CNTLN: variants seen among roughly 807,000 people sequenced by gnomAD.
The protein encoded by CNTLN is centlein, centrosomal protein.
In CNTLN, 212 loss-of-function variants were observed where a neutral mutation model predicts 180.0. The observed-to-expected ratio is 1.18, with a 90% CI of 1.05 to 1.32. The LOEUF (loss-of-function observed/expected upper bound fraction) is 1.32, where lower values mean the gene tolerates loss of function less well. Ranked by LOEUF, CNTLN falls within the 40% of genes most tolerant of loss-of-function variation. The probability of loss-of-function intolerance (pLI) is 0.00; values close to 1 mark genes in which losing one functional copy is unlikely to be tolerated. For synonymous variants in CNTLN, 722 were observed against 563.1 expected, an observed-to-expected ratio of 1.28 and a Z score of -3.99; for missense variants, 2,095 against 1,610.9, an observed-to-expected ratio of 1.30 and a Z score of -5.14.
chr9:17,216,166 A>G (rs1823739454), intron 2 of CNTLN, among the ~76,000 whole-genome samples: 1 of 152,098 alleles, frequency 6.6e-6, no homozygotes, highest in African/African-American at 2.4e-5. Flanking sequence ...TGTAGACTGG[A>G]GCTGTTCCTA....
At chr9:17,224,111 C>A (rs1824316123) in intron 2 of CNTLN, among the ~76,000 whole-genome samples, 1 of 152,030 alleles carries the variant, frequency 6.6e-6, no homozygotes, top group East Asian at 1.9e-4. Context: ...GTTTCACTCC[C>A]AGCTTCTCTA....
At chr9:17,350,777 C>G (rs999079089) in intron 12 of CNTLN, among the ~76,000 whole-genome samples, 1 of 152,092 alleles carries the variant, frequency 6.6e-6, no homozygotes. Flanking sequence ...CATGAGGACC[C>G]CTTTCTATCC....
intron 6 of CNTLN, among the ~76,000 whole-genome samples, chr9:17,279,667 C>T (rs977611758): frequency 2.0e-5 from 3 of 151,148 alleles, no homozygotes; most frequent in East Asian, 1.9e-4. Context: ...AGCAGCTGCT[C>T]GAAACCCTCT....
chr9:17,156,546 T>G (rs2131555320), intron 2 of CNTLN, among the ~76,000 whole-genome samples: 1 of 152,230 alleles, frequency 6.6e-6, no homozygotes, highest in Non-Finnish European at 1.5e-5. Flanking sequence ...ATAAATTGGG[T>G]TATTTATTCT....
chr9:17,313,606 T>C (rs980962832), intron 8 of CNTLN, among the ~76,000 whole-genome samples: 2 of 152,168 alleles, frequency 1.3e-5, no homozygotes, highest in African/African-American at 4.8e-5. Flanking sequence ...AGCTTGATTT[T>C]CATTATAGTA....
intron 25 of CNTLN, among the ~76,000 whole-genome samples, chr9:17,497,980 A>G (rs1344408052): frequency 2.0e-5 from 3 of 152,174 alleles, no homozygotes; most frequent in Non-Finnish European, 4.4e-5. Context: ...GGTCTCATTA[A>G]GTCATATTTT....
chr9:17,170,749 G>A (rs186991513), intron 2 of CNTLN, among the ~76,000 whole-genome samples: 4 of 151,602 alleles, frequency 2.6e-5, no homozygotes, highest in African/African-American at 7.3e-5. Context: ...GTAGCTCGGT[G>A]GGCTTCCTTG....
chr9:17,349,691 A>G (rs1822202574), intron 12 of CNTLN, among the ~76,000 whole-genome samples: 1 of 152,144 alleles, frequency 6.6e-6, no homozygotes, highest in South Asian at 2.1e-4. Context: ...TATTTCATTT[A>G]TATTTATAAG....
chr9:17,457,960 C>T (rs375407734), intron 19 of CNTLN, among the ~76,000 whole-genome samples: 7 of 151,886 alleles, frequency 4.6e-5, no homozygotes, highest in Admixed American at 2.6e-4. Flanking sequence ...TTTAAACTGG[C>T]CAATATCTGC....
chr9:17,260,589 A>G (rs1826888858), intron 5 of CNTLN, among the ~76,000 whole-genome samples: 1 of 151,342 alleles, frequency 6.6e-6, no homozygotes, highest in East Asian at 1.9e-4. Context: ...TGTTAGATGC[A>G]TAATTTGTGA....
chr9:17,366,256 G>A (rs1450406921), intron 12 of CNTLN, among the ~76,000 whole-genome samples: 2 of 151,914 alleles, frequency 1.3e-5, no homozygotes, highest in African/African-American at 4.8e-5. Flanking sequence ...ATCCCAAGTA[G>A]CTAGGACTAC....
chr9:17,155,597 C>T (rs1004806361), intron 2 of CNTLN, among the ~76,000 whole-genome samples: 5 of 152,156 alleles, frequency 3.3e-5, no homozygotes, highest in African/African-American at 9.7e-5. Context: ...TCAGCAATGG[C>T]GGACGCCCTT....
Position 17,247,686 on chromosome 9 carries a change from G to C in CNTLN, c.849+11098G>C, listed in dbSNP as rs138400842. Among the ~76,000 whole-genome samples the C allele has an allele frequency of 5.7e-3, 869 of 151,876 alleles. 10 individuals carry two copies. The highest frequency in any genetic ancestry group is 0.02 in the African/African-American group (834 of 41,396). ...TGGTGTTCGTGCATGGAGAATGATT[G>C]CTTGAGGCTTCTATTTAGCCATCTT... On this transcript the variant is annotated intron_variant, in intron 5 of 25. Transcript: ENST00000380647.
chr9:17,433,839 C>T (rs888454891), intron 18 of CNTLN, among the ~76,000 whole-genome samples: 1 of 152,224 alleles, frequency 6.6e-6, no homozygotes, highest in Admixed American at 6.5e-5. Flanking sequence ...CCTTGGCCTC[C>T]CAAAGTTCCG....
At chr9:17,435,280 G>C (rs1829699893) in intron 18 of CNTLN, among the ~76,000 whole-genome samples, 1 of 152,014 alleles carries the variant, frequency 6.6e-6, no homozygotes, top group Admixed American at 6.6e-5. Flanking sequence ...CACTCATTCT[G>C]GTCTCATCTG....
chr9:17,211,571 G>T (rs541948679), intron 2 of CNTLN, among the ~76,000 whole-genome samples: 2,014 of 152,182 alleles, frequency 0.013, 47 homozygotes, highest in African/African-American at 0.046. Flanking sequence ...CTTTAAAGTA[G>T]TTTTTTCCAA....
chr9:17,188,440 G>T (rs1038548253), intron 2 of CNTLN, among the ~76,000 whole-genome samples: 7 of 151,992 alleles, frequency 4.6e-5, no homozygotes, highest in Non-Finnish European at 5.9e-5. Flanking sequence ...AAAGCCCATT[G>T]TCTTTTTTTG....
At chr9:17,260,571 T>G (rs953035592) in intron 5 of CNTLN, among the ~76,000 whole-genome samples, 1 of 151,438 alleles carries the variant, frequency 6.6e-6, no homozygotes, top group Admixed American at 6.6e-5. Context: ...ACCTGGATGT[T>G]AGAACCCTGT....
chr9:17,443,471 G>A (rs895498182), intron 18 of CNTLN, among the ~76,000 whole-genome samples: 1 of 152,154 alleles, frequency 6.6e-6, no homozygotes, highest in African/African-American at 2.4e-5. Context: ...ATGTGAAATA[G>A]TGTCTTTAAA....
Sources: gnomAD v4.1 joint callset for allele counts (sites outside exome capture counted in the v4.1 genomes callset) on GRCh38, gnomAD v4.1.1 for gene constraint, MANE v1.5 for transcripts, NCBI Gene and HGNC (gene_info 2026-07-23, HGNC 2026-07-21) for gene names.